LRRC40: variants seen among roughly 807,000 people sequenced by gnomAD.
LRRC40 encodes leucine rich repeat containing 40, also known as leucine-rich repeat-containing protein 40.
A neutral mutation model predicts 72.8 loss-of-function variants in LRRC40; 76 were observed. The ratio of observed to expected loss-of-function variants is 1.04; its 90% CI spans 0.87 to 1.26. The LOEUF (loss-of-function observed/expected upper bound fraction) is 1.26, where lower values mean the gene tolerates loss of function less well. LRRC40 is among the 50% of genes most tolerant of loss of function. The pLI is 0.00. For synonymous variants in LRRC40, 243 were observed against 254.2 expected (o/e 0.96, Z 0.42); for missense variants, 684 against 698.9 (o/e 0.98, Z 0.24).
chr1:70,146,717 C>T (rs1367535181), intron 14 of LRRC40, among the ~76,000 whole-genome samples: 1 of 152,130 alleles, frequency 6.6e-6, no homozygotes, highest in Non-Finnish European at 1.5e-5. Context: ...ATCAATGTAT[C>T]ACCACCACTG....
At chr1:70,152,939 T>C (rs914882978) in intron 11 of LRRC40, among the ~76,000 whole-genome samples, 1 of 152,234 alleles carries the variant, frequency 6.6e-6, no homozygotes, top group African/African-American at 2.4e-5. Flanking sequence ...AGTAGTTTTC[T>C]ACTACATAAG....
intron 9 of LRRC40, among the ~76,000 whole-genome samples, chr1:70,172,879 T>A (rs1234196872): frequency 1.3e-5 from 2 of 151,982 alleles, no homozygotes; most frequent in African/African-American, 4.8e-5. Context: ...AGCATAGCAC[T>A]CGTACAACTA....
intron 9 of LRRC40, among the ~76,000 whole-genome samples, chr1:70,163,224 C>T (rs536401168): frequency 4.1e-4 from 62 of 151,892 alleles, no homozygotes; most frequent in African/African-American, 1.4e-3. Flanking sequence ...TACAGGCACG[C>T]GCCACCATGG....
In LRRC40 at chr1:70,152,458, G is replaced by A. The variant is rs769579369; in HGVS notation, c.1414C>T (p.Gln472Ter). 1 of 1,591,628 alleles carries A rather than the reference G, an allele frequency of 6.3e-7. No individual in the cohort carries two copies. Among genetic ancestry groups the A allele is most frequent in the Non-Finnish European group, 8.6e-7 (1 of 1,161,578 alleles). Residue 472 changes from glutamine (Q) to a stop codon, truncating the protein, a stop_gained, in exon 12 of 15, where the codon CAG (glutamine) becomes TAG (stop). Coordinates refer to ENST00000370952, the MANE Select transcript of LRRC40 (RefSeq NM_017768.5). LOFTEE classifies it high-confidence loss of function. ...SFISLELCVLQKLTFLDLRNN... is the reference protein window; with the variant it reads ...SFISLELCVL ...CTGAGATCTAAAAAAGTCAATTTCT[G>A]AAGCACACATAACTCCAAGGATATA...
Position 70,187,247 on chromosome 1 carries a change from A to G in LRRC40, c.407+18T>C. On this transcript the variant is annotated intron_variant, in intron 3 of 14. Transcript: ENST00000370952. ...CATTATAAGGGCAATAATATAAGTA[A>G]ATAAGCTTAATTTTTACCTGACATT... 7.7e-7 allele frequency: 1 copy of G among 1,305,398 alleles called. No homozygotes were observed. The highest frequency in any genetic ancestry group is 1.1e-6 in the Non-Finnish European group (1 of 905,976). The allele number at this position is 1,305,398 out of a possible 1,614,324, so 80.9% of individuals were successfully genotyped here.
chr1:70,175,998 T>C lies in LRRC40; in HGVS notation c.805-16A>G. 6.6e-7 allele frequency: 1 copy of C among 1,516,112 alleles called. No individual in the cohort carries two copies. Among genetic ancestry groups the C allele is most frequent in the Non-Finnish European group, 8.8e-7 (1 of 1,130,104 alleles). The allele number at this position is 1,516,112 out of a possible 1,614,324, so 93.9% of individuals were successfully genotyped here. A position where few individuals can be genotyped will look rare whatever the true frequency, so the allele number is the denominator to read the frequency against. Reference sequence around the variant, plus strand: ...CGTGCAATTCCTACAAAATCAAAGATGAGTTATGTGTATCTCTGTATTCAA... The same window carrying C: ...CGTGCAATTCCTACAAAATCAAAGACGAGTTATGTGTATCTCTGTATTCAA... On this transcript the variant is annotated splice_polypyrimidine_tract_variant and intron_variant, in intron 6 of 14. Coordinates refer to ENST00000370952, the MANE Select transcript of LRRC40 (RefSeq NM_017768.5).
At chr1:70,198,689 T>C (rs562648339) in intron 1 of LRRC40, among the ~76,000 whole-genome samples, 26 of 152,270 alleles carry the variant, frequency 1.7e-4, no homozygotes, top group Non-Finnish European at 3.4e-4. Flanking sequence ...TACTTAAAAA[T>C]TGCGAACAAA....
At chr1:70,151,903 C>G (rs1174262641) in intron 12 of LRRC40, 1 of 152,102 alleles carries the variant, frequency 6.6e-6, no homozygotes, top group African/African-American at 2.4e-5. Flanking sequence ...TTATTCCCAA[C>G]TAGATGACTA....
chr1:70,205,309 C>A (rs1339147525), intron 1 of LRRC40, 81 bp downstream of exon 1: 56 of 1,359,248 alleles, frequency 4.1e-5, no homozygotes, highest in Non-Finnish European at 5.4e-5. Flanking sequence ...GGGGCCAAAG[C>A]CAGCCCAGAG....
chr1:70,154,025 G>A (rs1186702665), intron 11 of LRRC40, among the ~76,000 whole-genome samples: 6 of 150,154 alleles, frequency 4.0e-5, no homozygotes, highest in Non-Finnish European at 8.9e-5. Context: ...ACTCCAAATG[G>A]AGAATAGCTT....
At chr1:70,166,944 A>AGGGAAAGAGACAACATAAAGGG (rs1667894222) in intron 9 of LRRC40, among the ~76,000 whole-genome samples, 1 of 152,128 alleles carries the variant, frequency 6.6e-6, no homozygotes, top group African/African-American at 2.4e-5. Context: ...AGAAAGAAAC[A>AGGGAAAGAGACAACATAAAGGG]GGGAAAGAGA....
At chr1:70,186,642 C>T (rs1668364524) in intron 3 of LRRC40, among the ~76,000 whole-genome samples, 1 of 152,110 alleles carries the variant, frequency 6.6e-6, no homozygotes, top group African/African-American at 2.4e-5. Flanking sequence ...AAAATAAGAC[C>T]TCTTTAAATC....
At chr1:70,196,614 A>C (rs1668617633) in intron 1 of LRRC40, among the ~76,000 whole-genome samples, 1 of 152,180 alleles carries the variant, frequency 6.6e-6, no homozygotes, top group African/African-American at 2.4e-5. Flanking sequence ...CATGATTCTA[A>C]ACAAAAGAAG....
At chr1:70,185,768 T>C (rs1409947744) in intron 3 of LRRC40, among the ~76,000 whole-genome samples, 5 of 152,216 alleles carry the variant, frequency 3.3e-5, no homozygotes, top group African/African-American at 1.2e-4. Context: ...TTCTTCATAC[T>C]TGGTCTTTTC....
chr1:70,175,667 T>C (rs1668087097), intron 7 of LRRC40, 143 bp downstream of exon 7: 2 of 564,738 alleles, frequency 3.5e-6, no homozygotes, highest in Admixed American at 8.3e-5. Flanking sequence ...TTAATCTTTA[T>C]CTGTACATAA....
At position 70,152,554 on chromosome 1, in the gene LRRC40, A is replaced by G. The variant is rs1270603952; in HGVS notation, c.1329-11T>C. 7.0e-7 allele frequency: 1 copy of G among 1,418,666 alleles called. No homozygotes were observed. The highest frequency in any genetic ancestry group is 1.7e-5 in the Admixed American group (1 of 58,052). The allele number at this position is 1,418,666 out of a possible 1,614,324, so 87.9% of individuals were successfully genotyped here. On this transcript the variant is annotated splice_polypyrimidine_tract_variant and intron_variant, in intron 11 of 14. Coordinates refer to ENST00000370952, the MANE Select transcript of LRRC40 (RefSeq NM_017768.5). ...TTCAGTTCTACCATCCTGAAACAAA[A>G]ATAATTTTAAAATGTTAGCACTTGA...
At chr1:70,185,366 C>T (rs984465377) in intron 3 of LRRC40, among the ~76,000 whole-genome samples, 1 of 152,166 alleles carries the variant, frequency 6.6e-6, no homozygotes, top group Non-Finnish European at 1.5e-5. Flanking sequence ...GGAGCGGTTT[C>T]CCCCATACTG....
intron 1 of LRRC40, among the ~76,000 whole-genome samples, chr1:70,203,763 TAAG>T (rs1668802666): frequency 3.9e-5 from 6 of 152,186 alleles, no homozygotes; most frequent in Admixed American, 2.6e-4. Flanking sequence ...GATAGGAAGA[TAAG>T]AAGCACGACC....
chr1:70,195,620 T>C (rs750100025), intron 1 of LRRC40, among the ~76,000 whole-genome samples: 1 of 152,170 alleles, frequency 6.6e-6, no homozygotes. Context: ...TGAATTCTTA[T>C]AATGTTAAAT....
Sources: allele counts gnomAD v4.1 joint callset (sites outside exome capture counted in the v4.1 genomes callset), GRCh38; gene constraint gnomAD v4.1.1; transcripts MANE v1.5; gene names NCBI Gene and HGNC (gene_info 2026-07-23, HGNC 2026-07-21).